VDAC1: variants seen among roughly 807,000 people sequenced by gnomAD.
VDAC1 encodes the protein voltage dependent anion channel 1.
VDAC1 carries 10 observed loss-of-function variants against 34.7 expected under a neutral mutation model. That is an observed-to-expected ratio of 0.29 (90% confidence interval 0.18 to 0.49). The LOEUF (loss-of-function observed/expected upper bound fraction) is 0.49, where lower values mean the gene tolerates loss of function less well. Among genes scored for constraint, VDAC1 ranks in the 20% least tolerant of loss-of-function variants. The pLI is 0.99. For synonymous variants in VDAC1, 130 were observed against 136.0 expected (o/e 0.96, Z 0.30); for missense variants, 230 against 347.9 (o/e 0.66, Z 2.69).
chr5:134,012,548 C>T, the VDAC1 span, among the ~76,000 whole-genome samples: 2 of 152,162 alleles, frequency 1.3e-5, no homozygotes, highest in East Asian at 3.9e-4. Flanking sequence ...GCTTGTTCAC[C>T]CTTTCCACCA....
chr5:134,042,729 C>T, the VDAC1 span, among the ~76,000 whole-genome samples: 1 of 152,194 alleles, frequency 6.6e-6, no homozygotes, highest in Non-Finnish European at 1.5e-5. Flanking sequence ...TCAAGTGACC[C>T]GCCTGCTTCA....
chr5:134,088,871 G>T, the VDAC1 span, among the ~76,000 whole-genome samples: 1 of 152,160 alleles, frequency 6.6e-6, no homozygotes, highest in Non-Finnish European at 1.5e-5. Flanking sequence ...TAGACTGTCC[G>T]GTTGTGAACT....
rs1310932589 is a variant in VDAC1 at position 133,992,989 on chromosome 5, G to A, written c.24C>T (p.Ala8=). 13 of 1,613,350 alleles carry A rather than the reference G, an allele frequency of 8.1e-6. No homozygotes were observed. The highest frequency in any genetic ancestry group is 1.3e-5 in the African/African-American group (1 of 75,020). ...CATCCCTGGCAGATTTGCCAAGATC[G>A]GCATACGTGGGTGGCACAGCCATCT... is the stretch of plus-strand genomic sequence containing the variant. The part of the protein sequence containing the change: MAVPPTY[A]DLGKSARDVF... The change falls in exon 2 of 9, where the codon GCC becomes GCT. Residue 8 remains alanine, a synonymous_variant. Coordinates refer to ENST00000265333, the MANE Select transcript of VDAC1 (RefSeq NM_003374.3).
chr5:134,102,555 C>G, the VDAC1 span, among the ~76,000 whole-genome samples: 2 of 152,018 alleles, frequency 1.3e-5, no homozygotes, highest in Non-Finnish European at 2.9e-5. Context: ...GTAATCCCAG[C>G]TACTCGGGAG....
chr5:134,103,084 G>A, the VDAC1 span, among the ~76,000 whole-genome samples: 5 of 152,174 alleles, frequency 3.3e-5, no homozygotes, highest in East Asian at 5.8e-4. Flanking sequence ...TTTGGGGCAC[G>A]TCATGACCCC....
chr5:134,026,383 C>A, the VDAC1 span, among the ~76,000 whole-genome samples: 5 of 151,834 alleles, frequency 3.3e-5, no homozygotes, highest in Non-Finnish European at 7.4e-5. Context: ...GGCGTGGTGG[C>A]GGGCGCCTGT....
chr5:134,105,046 C>T, the VDAC1 span, among the ~76,000 whole-genome samples: 2 of 152,222 alleles, frequency 1.3e-5, no homozygotes, highest in African/African-American at 4.8e-5. Context: ...GCCTACCTCC[C>T]GAGAGCTCCT....
intron 7 of VDAC1, 93 bp from the exon 8 acceptor site, chr5:133,973,941 G>A: frequency 8.1e-7 from 1 of 1,230,642 alleles, no homozygotes; most frequent in Non-Finnish European, 1.2e-6. Flanking sequence ...AACCAACCTT[G>A]GACTTTAGAA....
the VDAC1 span, among the ~76,000 whole-genome samples, chr5:134,102,629 T>C: frequency 1.3e-5 from 2 of 152,240 alleles, no homozygotes; most frequent in East Asian, 1.9e-4. Flanking sequence ...GATCATGCTA[T>C]TGCACTCTAG....
rs987200111 is a variant in VDAC1, at chr5:134,004,879, C to T, written c.-7+16G>A. ...CGGGCCAGGGTCCCCATCCCGCTAG[C>T]GAGCCGCGTTCTTACCCTTCCGGGC... On this transcript the variant is annotated intron_variant, in intron 1 of 8. Transcript: ENST00000265333. 4.0e-5 allele frequency: 6 copies of T among 151,776 alleles called. No individual in the cohort carries two copies. Among genetic ancestry groups the T allele is most frequent in the African/African-American group, 1.4e-4 (6 of 41,384 alleles). 9.4% of individuals were successfully genotyped at this position (151,776 alleles called of 1,614,324 possible). A position where few individuals can be genotyped will look rare whatever the true frequency, so the allele number is the denominator to read the frequency against.
chr5:133,985,233 A>C (rs1038618081), intron 5 of VDAC1, among the ~76,000 whole-genome samples: 6 of 152,198 alleles, frequency 3.9e-5, no homozygotes, highest in African/African-American at 1.4e-4. Context: ...GTAGGTGTGC[A>C]CAGACCTGCT....
chr5:134,077,765 T>C, the VDAC1 span, among the ~76,000 whole-genome samples: 1 of 152,150 alleles, frequency 6.6e-6, no homozygotes, highest in Admixed American at 6.5e-5. Context: ...AGGGAAGGCA[T>C]TTCTCTAGGA....
At chr5:134,071,300 C>T in the VDAC1 span, among the ~76,000 whole-genome samples, 1 of 152,238 alleles carries the variant, frequency 6.6e-6, no homozygotes, top group East Asian at 1.9e-4. The surrounding 1 kb of genome is among the most constrained non-coding windows in gnomAD (Gnocchi z 4.1). Flanking sequence ...GCCAGCGCGG[C>T]CACTTCAAAG....
intron 1 of VDAC1, among the ~76,000 whole-genome samples, chr5:134,002,572 AT>A (rs982926156): frequency 1.1e-4 from 17 of 152,206 alleles, no homozygotes. Context: ...TAAAGCACTT[AT>A]TTCAAGAGAC....
the VDAC1 span, among the ~76,000 whole-genome samples, chr5:134,088,551 G>A: frequency 6.6e-6 from 1 of 152,226 alleles, no homozygotes; most frequent in Non-Finnish European, 1.5e-5. Context: ...TGGGGAAGGT[G>A]CCAGGCTCAA....
the VDAC1 span, among the ~76,000 whole-genome samples, chr5:134,048,936 GATA>G: frequency 2.0e-5 from 3 of 152,152 alleles, no homozygotes; most frequent in African/African-American, 7.2e-5. Flanking sequence ...AACCAACATG[GATA>G]ATGTTTCTAT....
the VDAC1 span, among the ~76,000 whole-genome samples, chr5:134,019,927 G>A: frequency 6.6e-6 from 1 of 152,122 alleles, no homozygotes. Flanking sequence ...TGCCAGGAAC[G>A]ACTTTCTCTC....
the VDAC1 span, among the ~76,000 whole-genome samples, chr5:134,103,099 C>G: frequency 1.3e-5 from 2 of 152,118 alleles, no homozygotes; most frequent in Non-Finnish European, 2.9e-5. Flanking sequence ...GACCCCACGC[C>G]CTGTCCAGAC....
the VDAC1 span, among the ~76,000 whole-genome samples, chr5:134,049,321 T>C: frequency 0.01 from 1,591 of 152,340 alleles, 30 homozygotes; most frequent in African/African-American, 0.036. Flanking sequence ...CTCCAACTCC[T>C]GGCCTCAAGC....
Sources: gnomAD v4.1 joint callset for allele counts (sites outside exome capture counted in the v4.1 genomes callset) on GRCh38, gnomAD v4.1.1 for gene constraint, Gnocchi (gnomAD v3.1) non-coding constraint, MANE v1.5 for transcripts, NCBI Gene and HGNC (gene_info 2026-07-23, HGNC 2026-07-21) for gene names.